The following NFS1 variants were observed in gnomAD, a reference collection of about 807,000 sequenced individuals.
The protein encoded by NFS1 is NFS1 cysteine desulfurase, also known as cysteine desulfurase.
In NFS1, 26 loss-of-function variants were observed where a neutral mutation model predicts 57.3. That is an observed-to-expected ratio of 0.45 (90% CI 0.33 to 0.63). The LOEUF (loss-of-function observed/expected upper bound fraction) is 0.63, where lower values mean the gene tolerates loss of function less well. Ranked by LOEUF, NFS1 falls within the 20% of genes least tolerant of loss-of-function variation. The pLI, the probability that NFS1 is intolerant of heterozygous loss-of-function variation, is 0.02. For missense variants in NFS1, 505 were observed against 605.8 expected (o/e 0.83, Z 1.75); for synonymous variants, 209 against 216.3 (o/e 0.97, Z 0.30).
intron 12 of NFS1, among the ~76,000 whole-genome samples, chr20:35,671,280 C>G (rs1360051140): frequency 6.6e-6 from 1 of 152,078 alleles, no homozygotes; most frequent in Non-Finnish European, 1.5e-5. Context: ...TTTTTGTATT[C>G]TTAGTAGAGA....
chr20:35,698,765 G>A (rs566633060), intron 1 of NFS1, 175 bp from the exon 2 acceptor site: 2 of 1,409,734 alleles, frequency 1.4e-6, no homozygotes, highest in Middle Eastern at 2.6e-4. Context: ...GTAAAAGGAG[G>A]TAAGGGAGAG....
At position 35,699,310 on chromosome 20, in the gene NFS1, CT is replaced by C. The variant is rs2035203718; in HGVS notation, c.-23del. The C allele has an allele frequency of 7.2e-7, 1 of 1,397,014 alleles. No individual in the cohort carries two copies. Among genetic ancestry groups the C allele is most frequent in the Non-Finnish European group, 9.2e-7 (1 of 1,082,870 alleles). 86.5% of individuals were successfully genotyped at this position (1,397,014 alleles called of 1,614,324 possible). A position where few individuals can be genotyped will look rare whatever the true frequency, so the allele number is the denominator to read the frequency against. On this transcript the variant is annotated 5_prime_UTR_variant, in exon 1 of 13. Transcript: ENST00000374092. The surrounding 1 kb of genome is among the most constrained non-coding windows in gnomAD (Gnocchi z 4.4). ...GCATGGTCCCGCTGGCAGAGCCCAC[CT>C]TCCGAAGCCGCTGCAGTCCTGGGCC...
chr20:35,673,886 T>C, intron 10 of NFS1: 1 of 514,268 alleles, frequency 1.9e-6, no homozygotes, highest in East Asian at 3.4e-5. Context: ...CTGGCCCCCA[T>C]GGTGGATGAC....
chr20:35,674,081 G>GA, intron 10 of NFS1: 1 of 485,878 alleles, frequency 2.1e-6, no homozygotes, highest in Non-Finnish European at 3.7e-6. Context: ...GCCTGTAACA[G>GA]AACTGCTAGT....
rs1470390948 is a variant in NFS1, at chr20:35,675,155, C to A, written c.838G>T (p.Ala280Ser). The A allele has an allele frequency of 2.5e-6, 4 of 1,613,900 alleles. No individual in the cohort carries two copies. Among genetic ancestry groups the A allele is most frequent in the Non-Finnish European group, 3.4e-6 (4 of 1,180,004 alleles). ...IRRRPRVRVE[A>S]LQSGGGQERG... ...TCCTGCCCCCCTCCACTCTGCAGGG[C>A]CTCCACACGCACACGGGGCCGGCGA... The change falls in exon 8 of 13, where the codon GCC becomes TCC. Residue 280 changes from alanine to serine, a missense_variant. Transcript: ENST00000374092.
chr20:35,676,812 G>T (rs2034759546), intron 7 of NFS1, among the ~76,000 whole-genome samples: 2 of 141,248 alleles, frequency 1.4e-5, no homozygotes, highest in African/African-American at 5.3e-5. Flanking sequence ...CTCCCCAGAA[G>T]GGAACTGCAT....
chr20:35,685,368 A>C (rs1411916656), intron 5 of NFS1, among the ~76,000 whole-genome samples: 9 of 151,500 alleles, frequency 5.9e-5, no homozygotes, highest in Non-Finnish European at 1.2e-4. Flanking sequence ...TTCATAAATA[A>C]ATATATAGCC....
chr20:35,669,407 A>G lies in NFS1; in HGVS notation c.*215T>C, dbSNP rs2034616005. The G allele has an allele frequency of 1.9e-6, 1 of 516,556 alleles. No homozygotes were observed. Among genetic ancestry groups the G allele is most frequent in the African/African-American group, 1.9e-5 (1 of 52,480 alleles). The allele number at this position is 516,556 out of a possible 1,614,324, so 32.0% of individuals were successfully genotyped here. On this transcript the variant is annotated 3_prime_UTR_variant, in exon 13 of 13. Coordinates refer to ENST00000374092, the MANE Select transcript of NFS1 (RefSeq NM_021100.5). ...GGGATGAAAATGTCCACACACTTTA[A>G]GACCCGAGAAGAAATGGGGAGTGCT...
intron 5 of NFS1, among the ~76,000 whole-genome samples, chr20:35,685,110 C>T (rs1232319522): frequency 6.6e-6 from 1 of 151,650 alleles, no homozygotes; most frequent in Non-Finnish European, 1.5e-5. Flanking sequence ...TAGTCTCGAA[C>T]TCCTGACTTC....
chr20:35,697,029 C>T (rs530453420), intron 3 of NFS1, among the ~76,000 whole-genome samples: 3 of 152,296 alleles, frequency 2.0e-5, no homozygotes, highest in Non-Finnish European at 4.4e-5. Flanking sequence ...CTGCTTGAAC[C>T]CGGGAGGCAG....
intron 4 of NFS1, among the ~76,000 whole-genome samples, chr20:35,690,940 C>G (rs868783821): frequency 6.6e-6 from 1 of 152,114 alleles, no homozygotes; most frequent in Non-Finnish European, 1.5e-5. Context: ...ACCAGTGAAT[C>G]CTAATATAAG....
At chr20:35,695,059 A>G (rs2035109268) in intron 4 of NFS1, among the ~76,000 whole-genome samples, 1 of 152,220 alleles carries the variant, frequency 6.6e-6, no homozygotes, top group African/African-American at 2.4e-5. Context: ...TACTCTACCA[A>G]TCATGGAGAT....
intron 7 of NFS1, chr20:35,675,835 C>T (rs1390452229): frequency 6.9e-6 from 1 of 144,538 alleles, no homozygotes; most frequent in Admixed American, 7.0e-5. Context: ...CAAGCCACTG[C>T]ACTCCAGCCT....
intron 4 of NFS1, among the ~76,000 whole-genome samples, chr20:35,691,579 A>G (rs1017738539): frequency 1.3e-5 from 2 of 151,156 alleles, no homozygotes; most frequent in Non-Finnish European, 2.9e-5. Context: ...CATCTCTACT[A>G]AAAATTAAAA....
intron 4 of NFS1, among the ~76,000 whole-genome samples, chr20:35,694,334 G>A (rs186555204): frequency 5.3e-5 from 8 of 152,054 alleles, no homozygotes; most frequent in Admixed American, 3.9e-4. Context: ...TAGTAGAGAC[G>A]GGGTTTTACC....
At chr20:35,671,736 A>G (rs1231373511) in intron 12 of NFS1, among the ~76,000 whole-genome samples, 1 of 151,968 alleles carries the variant, frequency 6.6e-6, no homozygotes, top group Non-Finnish European at 1.5e-5. Context: ...CAAAAAATAC[A>G]AAAACTAACC....
At chr20:35,695,580 C>T (rs1555885055) in intron 4 of NFS1, among the ~76,000 whole-genome samples, 1 of 152,158 alleles carries the variant, frequency 6.6e-6, no homozygotes, top group Non-Finnish European at 1.5e-5. Context: ...GAATGGGTGA[C>T]CATGTGAATG....
chr20:35,683,167 T>G (rs1029094014), intron 5 of NFS1, among the ~76,000 whole-genome samples: 2 of 151,622 alleles, frequency 1.3e-5, no homozygotes, highest in Non-Finnish European at 2.9e-5. Flanking sequence ...TCCATCCACA[T>G]GACAGTATGA....
chr20:35,690,888 C>G (rs1236122607), intron 4 of NFS1, among the ~76,000 whole-genome samples: 3 of 152,196 alleles, frequency 2.0e-5, no homozygotes, highest in Non-Finnish European at 2.9e-5. Context: ...CAATAATTCA[C>G]TAGAATAAAT....
Sources: allele counts gnomAD v4.1 joint callset (sites outside exome capture counted in the v4.1 genomes callset), GRCh38; gene constraint gnomAD v4.1.1; non-coding constraint Gnocchi (gnomAD v3.1); transcripts MANE v1.5; gene names NCBI Gene and HGNC (gene_info 2026-07-23, HGNC 2026-07-21).